RUNX2: variants seen among roughly 807,000 people sequenced by gnomAD.
RUNX2 encodes the protein RUNX family transcription factor 2.
RUNX2 carries 10 observed loss-of-function variants against 51.7 expected under a neutral mutation model. That is an observed-to-expected ratio of 0.19 (90% CI 0.12 to 0.33). RUNX2 has a LOEUF of 0.33. Among genes scored for constraint, RUNX2 ranks in the 10% least tolerant of loss-of-function variants. RUNX2 has a pLI of 1.00. For synonymous variants in RUNX2, 276 were observed against 273.6 expected (o/e 1.01, Z -0.09); for missense variants, 562 against 691.3 (o/e 0.81, Z 2.10).
In RUNX2 at chr6:45,381,438, T is replaced by A. The variant is rs1797239033; in HGVS notation, c.59-41155T>A. Among the ~76,000 whole-genome samples the A allele has an allele frequency of 2.6e-5, 4 of 152,194 alleles. No individual in the cohort carries two copies. In the South Asian group the frequency reaches 8.3e-4, roughly 32 times the overall value. The stretch of plus-strand genomic sequence containing the variant: ...GTATTCAGGGCTTTTCTTTTTTTTT[T>A]CTTTTGAGACAGGGTTTCCCTCTCT... On this transcript the variant is annotated intron_variant, in intron 2 of 8. Transcript: ENST00000647337.
At chr6:45,354,015 G>GA (rs1792616397) in intron 2 of RUNX2, among the ~76,000 whole-genome samples, 1 of 152,084 alleles carries the variant, frequency 6.6e-6, no homozygotes, top group Non-Finnish European at 1.5e-5. Flanking sequence ...AAGAAAAGCT[G>GA]AAAACACAAT....
At position 45,547,394 on chromosome 6, in the gene RUNX2, A is replaced by G; in HGVS notation, c.*89A>G. On this transcript the variant is annotated 3_prime_UTR_variant, in exon 9 of 9. Coordinates refer to ENST00000647337, the MANE Select transcript of RUNX2 (RefSeq NM_001024630.4). The stretch of plus-strand genomic sequence containing the variant: ...ATATAGAGAGAGTGCATATATATGT[A>G]TATCGATTAGCTATCTACAAAGTGC... The G allele has an allele frequency of 9.3e-7, 1 of 1,069,936 alleles. No individual in the cohort carries two copies. The highest frequency in any genetic ancestry group is 1.3e-5 in the South Asian group (1 of 79,146). The allele number at this position is 1,069,936 out of a possible 1,614,324, so 66.3% of individuals were successfully genotyped here.
At chr6:45,477,236 T>G (rs1799981948) in intron 5 of RUNX2, among the ~76,000 whole-genome samples, 1 of 152,162 alleles carries the variant, frequency 6.6e-6, no homozygotes, top group South Asian at 2.1e-4. Context: ...TAGGAGTGTT[T>G]GCTTCTCAGG....
intron 2 of RUNX2, among the ~76,000 whole-genome samples, chr6:45,401,582 C>A (rs1051375654): frequency 2.9e-4 from 44 of 152,194 alleles, no homozygotes; most frequent in African/African-American, 1.0e-3. Context: ...GCGTACCTCA[C>A]AGGGCTGCCA....
At chr6:45,353,036 GT>G (rs1175844975) in intron 2 of RUNX2, among the ~76,000 whole-genome samples, 8 of 151,944 alleles carry the variant, frequency 5.3e-5, no homozygotes. Context: ...AAACTGAGAA[GT>G]TCTTCAGAGT....
At chr6:45,533,319 T>G (rs1181904642) in intron 7 of RUNX2, among the ~76,000 whole-genome samples, 1 of 152,160 alleles carries the variant, frequency 6.6e-6, no homozygotes, top group Non-Finnish European at 1.5e-5. Flanking sequence ...ATCTGTAGGG[T>G]TTGATTTCTT....
intron 2 of RUNX2, among the ~76,000 whole-genome samples, chr6:45,341,617 A>T (rs1789795998): frequency 1.3e-5 from 2 of 152,224 alleles, no homozygotes; most frequent in Admixed American, 1.3e-4. Context: ...CATAAAGAGT[A>T]CAATGGCATA....
intron 5 of RUNX2, among the ~76,000 whole-genome samples, chr6:45,463,946 C>T (rs1019644457): frequency 6.6e-6 from 1 of 152,178 alleles, no homozygotes; most frequent in South Asian, 2.1e-4. Context: ...GTAATCCCAG[C>T]ACATTGGGAG....
chr6:45,464,116 C>T lies in RUNX2; in HGVS notation c.685+26065C>T, dbSNP rs557985648. Among the ~76,000 whole-genome samples, 67 of 152,148 alleles carry T rather than the reference C, an allele frequency of 4.4e-4. 1 individual carries two copies. The East Asian group carries it at 0.011, about 26-fold the overall frequency. Reference sequence around the variant, plus strand: ...GCTGAGGCAGGAGAATGGCGTGAACCCGGGAGGTGGAGCTTGCAGTGAGCC... The same window carrying T: ...GCTGAGGCAGGAGAATGGCGTGAACTCGGGAGGTGGAGCTTGCAGTGAGCC... On this transcript the variant is annotated intron_variant, in intron 5 of 8. Coordinates refer to ENST00000647337, the MANE Select transcript of RUNX2 (RefSeq NM_001024630.4).
At chr6:45,345,586 T>G (rs1201766872) in intron 2 of RUNX2, among the ~76,000 whole-genome samples, 1 of 152,146 alleles carries the variant, frequency 6.6e-6, no homozygotes. Flanking sequence ...TCTAATCTCA[T>G]AAATCCCCAA....
At chr6:45,361,297 T>C (rs1257956946) in intron 2 of RUNX2, among the ~76,000 whole-genome samples, 1 of 152,136 alleles carries the variant, frequency 6.6e-6, no homozygotes, top group Non-Finnish European at 1.5e-5. Context: ...TTCAATGTTA[T>C]TGCTATTTAT....
intron 2 of RUNX2, among the ~76,000 whole-genome samples, chr6:45,418,226 G>T (rs538111393): frequency 1.3e-5 from 2 of 152,144 alleles, no homozygotes; most frequent in East Asian, 1.9e-4. Context: ...AGGATAAAAG[G>T]CCTATGGGTT....
At position 45,356,394 on chromosome 6, in the gene RUNX2, A is replaced by G. The variant is rs536099820; in HGVS notation, c.58+27610A>G. On this transcript the variant is annotated intron_variant, in intron 2 of 8. Transcript: ENST00000647337. ...AACACATTGGAATATATCAATTCTC[A>G]TTTCTTTTTTTTTCTTTTTTTGAGA... Among the ~76,000 whole-genome samples the G allele has an allele frequency of 1.4e-4, 21 of 151,778 alleles. 1 individual carries two copies. In the South Asian group the frequency reaches 3.5e-3, roughly 26 times the overall value.
intron 5 of RUNX2, among the ~76,000 whole-genome samples, chr6:45,454,368 A>T (rs545976548): frequency 6.6e-6 from 1 of 152,356 alleles, no homozygotes; most frequent in African/African-American, 2.4e-5. Context: ...ACACTGAAGG[A>T]TGAAATGTAG....
chr6:45,423,170 T>C (rs1378868849), intron 3 of RUNX2, among the ~76,000 whole-genome samples: 1 of 152,088 alleles, frequency 6.6e-6, no homozygotes. Flanking sequence ...CTCCCACCTG[T>C]GCCCGCTGCC....
Position 45,471,632 on chromosome 6 carries a change from G to A in RUNX2, c.686-20309G>A, listed in dbSNP as rs1042198664. On this transcript the variant is annotated intron_variant, in intron 5 of 8. Coordinates refer to ENST00000647337, the MANE Select transcript of RUNX2 (RefSeq NM_001024630.4). ...GCTAATTTTTTGTATTTTTAATAGA[G>A]ATGGGGTTTCACCTTGTTAGCCAGG... Among the ~76,000 whole-genome samples, 9 of 152,130 alleles carry A rather than the reference G, an allele frequency of 5.9e-5. No individual in the cohort carries two copies. In the South Asian group the frequency reaches 1.5e-3, roughly 25 times the overall value.
chr6:45,328,716 A>T lies in RUNX2; in HGVS notation c.-11A>T, dbSNP rs781491444. On this transcript the variant is annotated 5_prime_UTR_variant, in exon 2 of 9. Transcript: ENST00000647337. ...GGGTACAAGTTCTATCTGAAAAAAA[A>T]AGGAGGGACTATGGCATCAAACAGC... The T allele has an allele frequency of 6.3e-7, 1 of 1,598,816 alleles. No individual in the cohort carries two copies. The highest frequency in any genetic ancestry group is 8.6e-7 in the Non-Finnish European group (1 of 1,169,010).
chr6:45,466,085 G>A (rs1443747545), intron 5 of RUNX2, among the ~76,000 whole-genome samples: 3 of 152,168 alleles, frequency 2.0e-5, no homozygotes, highest in South Asian at 2.1e-4. Context: ...AAGCCGAGGC[G>A]GGCGGATCAC....
intron 5 of RUNX2, among the ~76,000 whole-genome samples, chr6:45,440,652 A>ATT (rs11350974): frequency 5.0e-4 from 75 of 150,378 alleles, no homozygotes; most frequent in East Asian, 2.0e-3. Flanking sequence ...TCGGATTTCA[A>ATT]TTTTTTTTTT....
Sources: allele counts gnomAD v4.1 joint callset (sites outside exome capture counted in the v4.1 genomes callset), GRCh38; gene constraint gnomAD v4.1.1; transcripts MANE v1.5; gene names NCBI Gene and HGNC (gene_info 2026-07-23, HGNC 2026-07-21).